EML4: variants seen among roughly 807,000 people sequenced by gnomAD.
EML4 encodes echinoderm microtubule-associated protein-like 4.
A neutral mutation model predicts 129.0 loss-of-function variants in EML4; 72 were observed. That is an observed-to-expected ratio of 0.56 (90% CI 0.46 to 0.68). The LOEUF is 0.68. EML4 is among the 30% of genes least tolerant of loss of function. The pLI is 0.00. For missense variants in EML4, 1,363 were observed against 1,190.6 expected (o/e 1.14, Z -2.13); for synonymous variants, 532 against 405.0 (o/e 1.31, Z -3.77).
chr2:42,226,550 G>A (rs1396286479), intron 1 of EML4, among the ~76,000 whole-genome samples: 2 of 149,822 alleles, frequency 1.3e-5, no homozygotes, highest in African/African-American at 2.5e-5. Context: ...CCAGCCACTC[G>A]GGAGGCTGAG....
intron 3 of EML4, among the ~76,000 whole-genome samples, chr2:42,257,602 G>A (rs1478835142): frequency 1.3e-5 from 2 of 152,180 alleles, no homozygotes; most frequent in Non-Finnish European, 2.9e-5. Flanking sequence ...TTGGGAGGCT[G>A]AGGCGGGCGG....
In EML4 at chr2:42,169,437, G is replaced by A. The variant is rs1670113860; in HGVS notation, c.-175G>A. On this transcript the variant is annotated 5_prime_UTR_variant, in exon 1 of 23. Coordinates refer to ENST00000318522, the MANE Select transcript of EML4 (RefSeq NM_019063.5). ...CTCAACGTGACGGGGAAGTGGTTCG[G>A]GCGGCCGCGGCTTACTACCCCAGGG... 11 of 582,508 alleles carry A rather than the reference G, an allele frequency of 1.9e-5. No homozygotes were observed. In the South Asian group the frequency reaches 2.6e-4, roughly 14 times the overall value. 36.1% of individuals were successfully genotyped at this position (582,508 alleles called of 1,614,324 possible). A position where few individuals can be genotyped will look rare whatever the true frequency, so the allele number is the denominator to read the frequency against.
intron 10 of EML4, among the ~76,000 whole-genome samples, chr2:42,287,849 T>C (rs1667395309): frequency 1.3e-5 from 2 of 152,100 alleles, no homozygotes; most frequent in Admixed American, 6.6e-5. Flanking sequence ...AGTTATGAAA[T>C]TGTGTACATT....
At chr2:42,328,735 C>A (rs1669939340) in intron 21 of EML4, 151 bp from the exon 22 acceptor site, 1 of 594,406 alleles carries the variant, frequency 1.7e-6, no homozygotes, top group Non-Finnish European at 2.7e-6. Flanking sequence ...ACAGTGTGAG[C>A]CACTGAGAAA....
At chr2:42,228,077 T>C (rs1035547486) in intron 1 of EML4, among the ~76,000 whole-genome samples, 1 of 152,038 alleles carries the variant, frequency 6.6e-6, no homozygotes, top group Non-Finnish European at 1.5e-5. Flanking sequence ...AAAAATTAGC[T>C]GGACATGGTG....
At chr2:42,224,285 G>A (rs1008317656) in intron 1 of EML4, among the ~76,000 whole-genome samples, 1 of 152,110 alleles carries the variant, frequency 6.6e-6, no homozygotes, top group Non-Finnish European at 1.5e-5. Context: ...AGGACATTAT[G>A]TAAATTGAAT....
At chr2:42,285,379 A>C (rs1667235489) in intron 9 of EML4, among the ~76,000 whole-genome samples, 1 of 152,152 alleles carries the variant, frequency 6.6e-6, no homozygotes, top group African/African-American at 2.4e-5. Context: ...TGACATTCTC[A>C]GGCTTCAGTT....
At chr2:42,219,948 T>A (rs1001080687) in intron 1 of EML4, among the ~76,000 whole-genome samples, 1 of 150,318 alleles carries the variant, frequency 6.7e-6, no homozygotes, top group African/African-American at 2.4e-5. Context: ...AAAGGAAAAC[T>A]CTTTTTTGCC....
At chr2:42,309,465 A>G (rs1300128092) in intron 17 of EML4, among the ~76,000 whole-genome samples, 4 of 143,984 alleles carry the variant, frequency 2.8e-5, no homozygotes, top group African/African-American at 1.0e-4. Flanking sequence ...TTTTTTGTTT[A>G]GGAACTACCA....
chr2:42,188,275 A>G (rs1572847919), intron 1 of EML4, among the ~76,000 whole-genome samples: 1 of 152,168 alleles, frequency 6.6e-6, no homozygotes, highest in Admixed American at 6.5e-5. Flanking sequence ...TATTTGAAAA[A>G]TAATGTAGAG....
chr2:42,207,515 C>G (rs1672632000), intron 1 of EML4, among the ~76,000 whole-genome samples: 1 of 152,190 alleles, frequency 6.6e-6, no homozygotes, highest in Non-Finnish European at 1.5e-5. Flanking sequence ...GCAGCTCTAC[C>G]TGAACCACTT....
intron 1 of EML4, among the ~76,000 whole-genome samples, chr2:42,185,071 G>T (rs184115163): frequency 4.6e-5 from 7 of 151,878 alleles, no homozygotes; most frequent in Non-Finnish European, 7.4e-5. Flanking sequence ...AAAATCATTG[G>T]TCCCGGAATA....
At chr2:42,222,959 C>T (rs1032858393) in intron 1 of EML4, among the ~76,000 whole-genome samples, 11 of 152,146 alleles carry the variant, frequency 7.2e-5, no homozygotes, top group Middle Eastern at 3.4e-3. Context: ...CCACCACACC[C>T]GGTTAATTTT....
intron 1 of EML4, among the ~76,000 whole-genome samples, chr2:42,213,107 A>G (rs1672975511): frequency 6.6e-6 from 1 of 152,248 alleles, no homozygotes; most frequent in Non-Finnish European, 1.5e-5. Context: ...AGAATCTTAC[A>G]GCTTTGCCCC....
intron 11 of EML4, chr2:42,289,005 A>G (rs1418411668): frequency 6.6e-6 from 1 of 152,210 alleles, no homozygotes; most frequent in African/African-American, 2.4e-5. Context: ...ATAACATCAC[A>G]TTACTCTCCA....
At chr2:42,232,253 G>A (rs1219111641) in intron 1 of EML4, among the ~76,000 whole-genome samples, 1 of 151,948 alleles carries the variant, frequency 6.6e-6, no homozygotes, top group African/African-American at 2.4e-5. Context: ...AGTGGGAGGT[G>A]GTGGGAAAAA....
chr2:42,263,108 C>A, intron 4 of EML4, 70 bp from the exon 5 acceptor site: 1 of 1,280,060 alleles, frequency 7.8e-7, no homozygotes. Flanking sequence ...CTTTTGTGTT[C>A]TGTTTAAATT....
chr2:42,281,577 T>TA (rs1040736978), intron 7 of EML4, among the ~76,000 whole-genome samples: 4 of 152,294 alleles, frequency 2.6e-5, no homozygotes, highest in Non-Finnish European at 4.4e-5. Flanking sequence ...CCCTGCCACT[T>TA]ACTCTCCGTG....
chr2:42,199,517 A>G (rs1558495068), intron 1 of EML4, among the ~76,000 whole-genome samples: 2 of 152,334 alleles, frequency 1.3e-5, no homozygotes, highest in East Asian at 1.9e-4. Flanking sequence ...GTGTGCTGCA[A>G]TAGAAAGAAG....
Sources: allele counts gnomAD v4.1 joint callset (sites outside exome capture counted in the v4.1 genomes callset), GRCh38; gene constraint gnomAD v4.1.1; transcripts MANE v1.5; gene names NCBI Gene and HGNC (gene_info 2026-07-23, HGNC 2026-07-21).